ATG4A: variants seen among roughly 807,000 people sequenced by gnomAD.
ATG4A encodes the protein cysteine protease ATG4A.
ATG4A carries 22 observed loss-of-function variants against 38.4 expected under a neutral mutation model. That is an observed-to-expected ratio of 0.57 (90% CI 0.41 to 0.82). The LOEUF is 0.82. ATG4A is among the 40% of genes least tolerant of loss of function. ATG4A has a pLI of 0.00. For missense variants in ATG4A, 220 were observed against 290.0 expected (o/e 0.76, Z 1.75); for synonymous variants, 86 against 100.7 (o/e 0.85, Z 0.88).
chrX:108,108,159 C>CTTTT (rs35622417), intron 1 of ATG4A, among the ~76,000 whole-genome samples: 21 of 65,723 alleles, frequency 3.2e-4, no homozygotes, highest in East Asian at 2.0e-3. Context: ...TTTTGAGGCA[C>CTTTT]TTTTTTTTTT....
chrX:108,142,718 T>A (rs577290424), intron 9 of ATG4A, among the ~76,000 whole-genome samples: 1 of 110,705 alleles, frequency 9.0e-6, no homozygotes, highest in East Asian at 2.9e-4. Context: ...CCCATCTCTC[T>A]TTTTCACATT....
At chrX:108,129,618 T>A (rs1284670751) in intron 3 of ATG4A, among the ~76,000 whole-genome samples, 2 of 104,070 alleles carry the variant, frequency 1.9e-5, no homozygotes, top group Non-Finnish European at 4.0e-5. Flanking sequence ...TCACCCAGGC[T>A]GCAGTGCAGT....
chrX:108,096,381 A>G (rs1455749468), intron 1 of ATG4A, among the ~76,000 whole-genome samples: 2 of 112,401 alleles, frequency 1.8e-5, no homozygotes, highest in African/African-American at 6.5e-5. Flanking sequence ...CCACACAAAA[A>G]CATGAGATGG....
At chrX:108,102,131 G>T (rs776089372) in intron 1 of ATG4A, among the ~76,000 whole-genome samples, 2 of 111,130 alleles carry the variant, frequency 1.8e-5, no homozygotes, top group Non-Finnish European at 3.8e-5. Flanking sequence ...ATTTTTTAAG[G>T]AACCTCCATA....
intron 1 of ATG4A, among the ~76,000 whole-genome samples, chrX:108,107,822 C>T (rs1308757494): frequency 1.8e-5 from 2 of 111,077 alleles, no homozygotes; most frequent in South Asian, 3.8e-4. Flanking sequence ...CCAGTGACAC[C>T]ACTGACACCT....
At chrX:108,106,071 A>G (rs2032162115) in intron 1 of ATG4A, among the ~76,000 whole-genome samples, 1 of 111,341 alleles carries the variant, frequency 9.0e-6, no homozygotes. Flanking sequence ...GGAACTTCCT[A>G]TTCTGCCATC....
At chrX:108,151,668 C>A in intron 10 of ATG4A, 134 bp from the exon 11 acceptor site, 1 of 557,728 alleles carries the variant, frequency 1.8e-6, no homozygotes, top group Admixed American at 2.8e-5. Flanking sequence ...AGAGAGAAGC[C>A]CAGGCAGTCT....
rs145574088 is a variant in ATG4A, at chrX:108,143,722, G to A, written c.814+5531G>A. 517 of 244,876 alleles carry A rather than the reference G, an allele frequency of 2.1e-3. 3 individuals carry two copies. The highest frequency in any genetic ancestry group is 0.014 in the African/African-American group (465 of 33,644). 20.2% of individuals were successfully genotyped at this position (244,876 alleles called of 1,213,427 possible). On this transcript the variant is annotated intron_variant, in intron 9 of 12. Coordinates refer to ENST00000372232, the MANE Select transcript of ATG4A (RefSeq NM_052936.5). ...ACTAAGAACTCTAGGCCAGCAGAACGTAATGTCGGGGGAACAGGAAGCAAA... is the reference window on the plus strand; with the variant it reads ...ACTAAGAACTCTAGGCCAGCAGAACATAATGTCGGGGGAACAGGAAGCAAA...
At chrX:108,091,337 G>A (rs1461052522), upstream of ATG4A, 9 of 1,010,562 alleles carry the variant, frequency 8.9e-6, no homozygotes, top group Non-Finnish European at 1.3e-5. Context: ...CTCCGCTAGG[G>A]CCGGGCCCCG....
intron 12 of ATG4A, among the ~76,000 whole-genome samples, 158 bp downstream of exon 12, chrX:108,153,245 T>G (rs1343170967): frequency 8.9e-6 from 1 of 112,457 alleles, no homozygotes; most frequent in Non-Finnish European, 1.9e-5. Context: ...AATCTTCTGA[T>G]GAGCTGATAT....
chrX:108,099,246 A>C (rs2031927598), intron 1 of ATG4A, among the ~76,000 whole-genome samples: 1 of 111,688 alleles, frequency 9.0e-6, no homozygotes, highest in East Asian at 2.8e-4. Flanking sequence ...GATGGCTAAT[A>C]AAGTTCAACA....
Position 108,134,175 on chromosome X carries a change from A to G in ATG4A, c.394+17A>G, listed in dbSNP as rs369180626. The G allele has an allele frequency of 7.1e-5, 84 of 1,181,589 alleles. No homozygotes were observed. The highest frequency in any genetic ancestry group is 8.0e-5 in the Non-Finnish European group (70 of 872,721). Reference sequence around the variant, plus strand: ...ATCAAATGGGTAAGGTCATAAATCAATAGTTTAAAGGCAGTGCCTATTCCT... The same window carrying G: ...ATCAAATGGGTAAGGTCATAAATCAGTAGTTTAAAGGCAGTGCCTATTCCT... On this transcript the variant is annotated intron_variant, in intron 5 of 12. Transcript: ENST00000372232.
In ATG4A at chrX:108,153,014, A is replaced by T. The variant is rs1353833978; in HGVS notation, c.1053A>T (p.Leu351Phe). Residue 351 changes from leucine to phenylalanine, a missense_variant, in exon 12 of 13, where the codon TTA becomes TTT. Around this residue, in one of 3 missense-constraint regions of ATG4A, gnomAD observed 159 missense variants for 188.9 expected, o/e 0.84. Coordinates refer to ENST00000372232, the MANE Select transcript of ATG4A (RefSeq NM_052936.5). ...AGGAGAATTTAAGGATGTTTGAATT[A>T]GTTCAGAAACATCCATCACACTGGC... The part of the protein sequence containing the change: ...ILKENLRMFE[L>F]VQKHPSHWPP... 1.7e-6 allele frequency: 2 copies of T among 1,208,965 alleles called. No homozygotes were observed. The highest frequency in any genetic ancestry group is 2.2e-6 in the Non-Finnish European group (2 of 894,065).
chrX:108,140,548 T>C (rs2033209513), intron 9 of ATG4A, among the ~76,000 whole-genome samples: 1 of 103,436 alleles, frequency 9.7e-6, no homozygotes, highest in Admixed American at 1.1e-4. Flanking sequence ...TCTACACATA[T>C]ATACACACAC....
intron 1 of ATG4A, among the ~76,000 whole-genome samples, chrX:108,117,216 A>G (rs1030532667): frequency 1.3e-4 from 14 of 110,468 alleles, no homozygotes; most frequent in African/African-American, 4.6e-4. Flanking sequence ...TTAGGAGAGG[A>G]CTTATTGCAA....
intron 1 of ATG4A, among the ~76,000 whole-genome samples, chrX:108,100,541 G>T (rs1368146780): frequency 1.8e-5 from 2 of 110,958 alleles, no homozygotes; most frequent in Non-Finnish European, 3.8e-5. Context: ...CAGTCTTTCA[G>T]CATCAACTAT....
intron 1 of ATG4A, among the ~76,000 whole-genome samples, chrX:108,116,511 G>C (rs1177447388): frequency 8.9e-6 from 1 of 111,981 alleles, no homozygotes; most frequent in Non-Finnish European, 1.9e-5. Context: ...TCAACAGAGA[G>C]AATCACTTCC....
At chrX:108,134,191 G>A (rs759561476) in intron 5 of ATG4A, 33 bp downstream of exon 5, 1 of 1,155,009 alleles carries the variant, frequency 8.7e-7, no homozygotes, top group Admixed American at 2.3e-5. Flanking sequence ...TAAAGGCAGT[G>A]CCTATTCCTG....
At chrX:108,125,927 G>C in intron 1 of ATG4A, 150 bp from the exon 2 acceptor site, 1 of 405,979 alleles carries the variant, frequency 2.5e-6, no homozygotes, top group Admixed American at 4.5e-5. Flanking sequence ...TAGAGGTCTT[G>C]TGAGTGTGTT....
Sources: allele counts gnomAD v4.1 joint callset (sites outside exome capture counted in the v4.1 genomes callset), GRCh38; gene constraint gnomAD v4.1.1; regional missense constraint gnomAD v4.1.1; transcripts MANE v1.5; gene names NCBI Gene and HGNC (gene_info 2026-07-23, HGNC 2026-07-21).